Variants in CFAP58 observed in about 807,000 individuals in gnomAD.
CFAP58 encodes the protein cilia- and flagella-associated protein 58.
A neutral mutation model predicts 119.5 loss-of-function variants in CFAP58; 88 were observed. That is an observed-to-expected ratio of 0.74 (90% CI 0.62 to 0.88). CFAP58 has a LOEUF of 0.88. CFAP58 is among the 40% of genes least tolerant of loss of function. The probability of loss-of-function intolerance (pLI) is 0.00; values close to 1 mark genes in which losing one functional copy is unlikely to be tolerated. For missense variants in CFAP58, 990 were observed against 1,021.2 expected (o/e 0.97, Z 0.42); for synonymous variants, 365 against 366.3 (o/e 1.00, Z 0.04).
chr10:104,441,829 G>C lies in CFAP58; in HGVS notation c.2257-5869G>C, dbSNP rs74157110. Among the ~76,000 whole-genome samples the C allele has an allele frequency of 7.9e-3, 1,200 of 152,236 alleles. 19 individuals carry two copies. Among genetic ancestry groups the C allele is most frequent in the African/African-American group, 0.028 (1,148 of 41,546 alleles). On this transcript the variant is annotated intron_variant, in intron 15 of 17. Transcript: ENST00000369704. The stretch of plus-strand genomic sequence containing the variant: ...ATGCCAGCATTTCCTGTCCTCTCTA[G>C]GGGGCTTTACTACTTCATGACATCA...
At chr10:104,355,955 A>G (rs2014537848) in intron 1 of CFAP58, among the ~76,000 whole-genome samples, 1 of 152,254 alleles carries the variant, frequency 6.6e-6, no homozygotes, top group Non-Finnish European at 1.5e-5. Context: ...TGTTGACGTT[A>G]ATACCATTTA....
chr10:104,364,755 A>G lies in CFAP58; in HGVS notation c.463A>G (p.Lys155Glu). The G allele has an allele frequency of 6.2e-7, 1 of 1,613,382 alleles. No individual in the cohort carries two copies. Among genetic ancestry groups the G allele is most frequent in the Non-Finnish European group, 8.5e-7 (1 of 1,179,684 alleles). Residue 155 changes from lysine (K) to glutamate (E), a missense_variant, in exon 4 of 18, where the codon AAA (lysine) becomes GAA (glutamate). By Grantham distance (56) the Lys-to-Glu change is moderately conservative. Transcript: ENST00000369704. ...HSNIRDLLRFKEEVTKERDQL... is the reference protein window; with the variant it reads ...HSNIRDLLRFEEEVTKERDQL... ...TAGCATCCGAGATTTACTGAGGTTC[A>G]AAGAAGAAGTGACAAAGGAGAGAGA...
intron 11 of CFAP58, among the ~76,000 whole-genome samples, chr10:104,398,999 T>C (rs530129400): frequency 8.5e-4 from 129 of 152,284 alleles, no homozygotes; most frequent in African/African-American, 3.0e-3. Flanking sequence ...CACCCCCACA[T>C]CCTGCTCTGC....
chr10:104,384,960 G>T (rs1393570998), intron 9 of CFAP58, among the ~76,000 whole-genome samples: 1 of 152,170 alleles, frequency 6.6e-6, no homozygotes, highest in Non-Finnish European at 1.5e-5. Context: ...GAAGTGAGGA[G>T]TTCCCTAAGA....
chr10:104,368,669 A>G, intron 6 of CFAP58, 109 bp downstream of exon 6: 1 of 1,161,294 alleles, frequency 8.6e-7, no homozygotes, highest in Non-Finnish European at 1.2e-6. Context: ...TACTGAGTAC[A>G]TTGACACATC....
At chr10:104,432,728 C>G (rs138922164) in intron 15 of CFAP58, among the ~76,000 whole-genome samples, 1 of 152,174 alleles carries the variant, frequency 6.6e-6, no homozygotes, top group Non-Finnish European at 1.5e-5. Context: ...GTCTCTATCT[C>G]CTGACCTTGT....
At chr10:104,343,760 A>G in the CFAP58 span, among the ~76,000 whole-genome samples, 3 of 152,278 alleles carry the variant, frequency 2.0e-5, no homozygotes, top group Non-Finnish European at 2.9e-5. Flanking sequence ...TTATTTATTT[A>G]TTTAATTTGA....
At chr10:104,349,213 A>C (rs2014431516), upstream of CFAP58, among the ~76,000 whole-genome samples, 1 of 152,170 alleles carries the variant, frequency 6.6e-6, no homozygotes, top group African/African-American at 2.4e-5. Context: ...GTGCCACTGC[A>C]CTCCAGCCTG....
At chr10:104,435,835 T>G (rs1004321552) in intron 15 of CFAP58, among the ~76,000 whole-genome samples, 3 of 152,224 alleles carry the variant, frequency 2.0e-5, no homozygotes, top group African/African-American at 7.2e-5. Flanking sequence ...TTATATTTCT[T>G]AAAACTTATT....
chr10:104,376,534 A>G (rs924613727), intron 7 of CFAP58, among the ~76,000 whole-genome samples: 9 of 151,566 alleles, frequency 5.9e-5, no homozygotes, highest in African/African-American at 2.4e-5. Flanking sequence ...AAAAAAAGCA[A>G]GGACATTTTT....
chr10:104,348,160 G>C, the CFAP58 span, among the ~76,000 whole-genome samples: 7 of 152,150 alleles, frequency 4.6e-5, no homozygotes, highest in African/African-American at 7.2e-5. Context: ...ATTCTGGGTG[G>C]GAGTTAATAA....
intron 1 of CFAP58, 132 bp from the exon 2 acceptor site, chr10:104,358,208 AT>A: frequency 1.2e-6 from 1 of 825,906 alleles, no homozygotes; most frequent in Admixed American, 2.9e-5. Context: ...TATAATCTTA[AT>A]TTTTCTGCTT....
chr10:104,348,062 G>A, the CFAP58 span, among the ~76,000 whole-genome samples: 1 of 150,894 alleles, frequency 6.6e-6, no homozygotes. Flanking sequence ...GCTTCATGTG[G>A]GTCAGGTCTC....
chr10:104,351,119 G>T (rs2014454502), upstream of CFAP58, among the ~76,000 whole-genome samples: 2 of 152,184 alleles, frequency 1.3e-5, no homozygotes, highest in Admixed American at 6.5e-5. Context: ...CCTGAGCTGG[G>T]TTGCCTGTCC....
At chr10:104,352,226 T>C (rs1180504871), upstream of CFAP58, among the ~76,000 whole-genome samples, 1 of 152,160 alleles carries the variant, frequency 6.6e-6, no homozygotes, top group Non-Finnish European at 1.5e-5. Flanking sequence ...ACCTATCACC[T>C]TCTGGAAGGG....
chr10:104,428,160 C>A (rs776257753), intron 15 of CFAP58, among the ~76,000 whole-genome samples: 2 of 152,112 alleles, frequency 1.3e-5, no homozygotes, highest in South Asian at 2.1e-4. Context: ...TGGTATCACA[C>A]AGGCCAAGGG....
intron 5 of CFAP58, 39 bp downstream of exon 5, chr10:104,366,047 A>C: frequency 6.7e-7 from 1 of 1,489,246 alleles, no homozygotes; most frequent in Non-Finnish European, 9.0e-7. Flanking sequence ...ACCAAGAAAA[A>C]CCCAGAATGG....
intron 1 of CFAP58, among the ~76,000 whole-genome samples, chr10:104,357,930 TACAC>T (rs764603850): frequency 1.7e-5 from 2 of 119,538 alleles, no homozygotes; most frequent in Admixed American, 7.5e-5. Context: ...TGTACACATA[TACAC>T]ACATATATGT....
At chr10:104,394,220 T>A (rs2012108185) in intron 11 of CFAP58, among the ~76,000 whole-genome samples, 1 of 152,258 alleles carries the variant, frequency 6.6e-6, no homozygotes, top group Admixed American at 6.5e-5. Flanking sequence ...CTAAACCTAA[T>A]GTATTTTTCT....
Sources: allele counts gnomAD v4.1 joint callset (sites outside exome capture counted in the v4.1 genomes callset), GRCh38; gene constraint gnomAD v4.1.1; transcripts MANE v1.5; gene names NCBI Gene and HGNC (gene_info 2026-07-23, HGNC 2026-07-21).